Variants in THEMIS observed in about 807,000 individuals in gnomAD.
The protein encoded by THEMIS is thymocyte selection associated.
Under a neutral mutation model 52.6 loss-of-function variants are expected in THEMIS, and 37 were observed. The ratio of observed to expected loss-of-function variants is 0.70; its 90% CI spans 0.54 to 0.93. THEMIS has a LOEUF of 0.93. Among genes scored for constraint, THEMIS ranks in the 40% least tolerant of loss-of-function variants. THEMIS has a pLI of 0.00. For synonymous variants in THEMIS, 292 were observed against 272.7 expected (o/e 1.07, Z -0.70); for missense variants, 808 against 763.1 (o/e 1.06, Z -0.69).
intron 1 of THEMIS, among the ~76,000 whole-genome samples, chr6:127,856,051 T>G (rs1779608522): frequency 1.3e-5 from 2 of 152,028 alleles, no homozygotes; most frequent in African/African-American, 4.8e-5. Flanking sequence ...CAAGTATAAA[T>G]AAACATTATA....
upstream of THEMIS, among the ~76,000 whole-genome samples, chr6:127,904,260 T>A (rs756170354): frequency 7.2e-5 from 11 of 152,082 alleles, no homozygotes; most frequent in Non-Finnish European, 1.3e-4. Flanking sequence ...ACAGGGTTGA[T>A]TGTATGAGAC....
At chr6:127,842,546 A>C (rs183121224) in intron 2 of THEMIS, among the ~76,000 whole-genome samples, 1 of 152,054 alleles carries the variant, frequency 6.6e-6, no homozygotes. Context: ...CTTACGGCTT[A>C]AGGGATATAG....
At chr6:127,777,512 A>G (rs548230004) in intron 4 of THEMIS, among the ~76,000 whole-genome samples, 1 of 152,292 alleles carries the variant, frequency 6.6e-6, no homozygotes, top group South Asian at 2.1e-4. Context: ...TCATATCACT[A>G]CATAGCCTAA....
At chr6:127,809,410 C>T (rs539040437) in intron 4 of THEMIS, among the ~76,000 whole-genome samples, 1 of 152,208 alleles carries the variant, frequency 6.6e-6, no homozygotes, top group African/African-American at 2.4e-5. Flanking sequence ...CTTCTGTTTA[C>T]ATTCTATAAA....
chr6:127,786,074 C>G (rs1316148219), intron 4 of THEMIS, among the ~76,000 whole-genome samples: 1 of 152,012 alleles, frequency 6.6e-6, no homozygotes, highest in South Asian at 2.1e-4. Context: ...TTTGATAGCT[C>G]TAGGTATTCA....
intron 4 of THEMIS, among the ~76,000 whole-genome samples, chr6:127,786,692 G>A (rs1237192797): frequency 6.6e-6 from 1 of 152,124 alleles, no homozygotes; most frequent in African/African-American, 2.4e-5. Context: ...GAAATGGCAG[G>A]CTAAGGACTT....
intron 4 of THEMIS, among the ~76,000 whole-genome samples, chr6:127,812,636 T>C (rs897266773): frequency 6.6e-6 from 1 of 152,190 alleles, no homozygotes; most frequent in Non-Finnish European, 1.5e-5. Context: ...GCAATTTGGG[T>C]CATCATATCC....
At chr6:127,769,925 A>T (rs1776325842) in intron 4 of THEMIS, among the ~76,000 whole-genome samples, 1 of 152,170 alleles carries the variant, frequency 6.6e-6, no homozygotes, top group African/African-American at 2.4e-5. Flanking sequence ...TTCCAGCTTC[A>T]TCCATGTCCC....
downstream of THEMIS, among the ~76,000 whole-genome samples, chr6:127,703,208 C>A (rs183487572): frequency 6.6e-6 from 1 of 151,050 alleles, no homozygotes; most frequent in African/African-American, 2.4e-5. Flanking sequence ...CCACTACGCC[C>A]GGCTAATTTT....
At chr6:127,789,247 C>A (rs1777079900) in intron 4 of THEMIS, among the ~76,000 whole-genome samples, 1 of 152,124 alleles carries the variant, frequency 6.6e-6, no homozygotes, top group African/African-American at 2.4e-5. Context: ...CTATAAACAC[C>A]TCTATGCAAA....
intron 1 of THEMIS, among the ~76,000 whole-genome samples, chr6:127,908,470 T>G (rs189437932): frequency 4.6e-5 from 7 of 152,126 alleles, no homozygotes; most frequent in Non-Finnish European, 1.5e-5. Flanking sequence ...ATCTGCGTAT[T>G]TTTTTACACG....
At chr6:127,793,233 C>T (rs1038000840) in intron 4 of THEMIS, among the ~76,000 whole-genome samples, 3 of 152,024 alleles carry the variant, frequency 2.0e-5, no homozygotes, top group East Asian at 1.9e-4. Flanking sequence ...AACATTGGGA[C>T]GGATTTGGCA....
At chr6:127,863,784 G>C (rs1219489429) in intron 1 of THEMIS, among the ~76,000 whole-genome samples, 1 of 152,154 alleles carries the variant, frequency 6.6e-6, no homozygotes, top group Admixed American at 6.6e-5. Flanking sequence ...AAAGGAAGTT[G>C]CCTGCCAGAA....
intron 1 of THEMIS, among the ~76,000 whole-genome samples, chr6:127,866,120 A>T (rs1020919573): frequency 1.3e-5 from 2 of 151,946 alleles, no homozygotes; most frequent in Admixed American, 1.3e-4. Context: ...ATTGTACTTG[A>T]TTTATACTTT....
intron 1 of THEMIS, among the ~76,000 whole-genome samples, chr6:127,871,887 C>T (rs1000151029): frequency 6.6e-6 from 1 of 152,040 alleles, no homozygotes; most frequent in Non-Finnish European, 1.5e-5. Flanking sequence ...GAAATATTTT[C>T]AACAATTCTA....
At chr6:127,891,041 C>T (rs967349202) in intron 1 of THEMIS, among the ~76,000 whole-genome samples, 26 of 152,080 alleles carry the variant, frequency 1.7e-4, no homozygotes, top group African/African-American at 6.3e-4. Context: ...GAAATATCCA[C>T]TTGGCTGAGT....
chr6:127,697,780 A>G, the THEMIS span, among the ~76,000 whole-genome samples: 204 of 152,268 alleles, frequency 1.3e-3, 1 homozygote, highest in African/African-American at 4.6e-3. Context: ...CTTTTACTGC[A>G]TATCTGAATA....
chr6:127,697,128 T>G, the THEMIS span, among the ~76,000 whole-genome samples: 1 of 152,162 alleles, frequency 6.6e-6, no homozygotes, highest in Non-Finnish European at 1.5e-5. Context: ...AAAATTAATG[T>G]GTCCAAAACT....
chr6:127,699,488 C>T, the THEMIS span, among the ~76,000 whole-genome samples: 1 of 149,430 alleles, frequency 6.7e-6, no homozygotes, highest in South Asian at 2.2e-4. Context: ...TCCTGAATTT[C>T]ACAGGATACG....
Sources: gnomAD v4.1 joint callset for allele counts (sites outside exome capture counted in the v4.1 genomes callset) on GRCh38, gnomAD v4.1.1 for gene constraint, MANE v1.5 for transcripts, NCBI Gene and HGNC (gene_info 2026-07-23, HGNC 2026-07-21) for gene names.